Variants in SCFD2 observed in about 807,000 individuals in gnomAD.
The protein encoded by SCFD2 is sec1 family domain-containing protein 2.
SCFD2 carries 54 observed loss-of-function variants against 58.9 expected under a neutral mutation model. The observed-to-expected ratio is 0.92, with a 90% CI of 0.74 to 1.15. SCFD2 has a LOEUF of 1.15. Among genes scored for constraint, SCFD2 ranks in the 50% most tolerant of loss-of-function variants. SCFD2 has a pLI of 0.00. For missense variants in SCFD2, 805 were observed against 836.6 expected (o/e 0.96, Z 0.47); for synonymous variants, 321 against 335.9 (o/e 0.96, Z 0.49).
intron 5 of SCFD2, among the ~76,000 whole-genome samples, chr4:52,987,792 T>C (rs977609723): frequency 3.9e-5 from 6 of 152,228 alleles, no homozygotes; most frequent in Admixed American, 2.6e-4. Flanking sequence ...ACACAACTAT[T>C]CTGCTATCCA....
At chr4:52,961,008 C>A (rs1720841066) in intron 5 of SCFD2, among the ~76,000 whole-genome samples, 1 of 152,130 alleles carries the variant, frequency 6.6e-6, no homozygotes, top group Non-Finnish European at 1.5e-5. Flanking sequence ...TGAGCGGGAC[C>A]TTGCAGGAGA....
chr4:53,042,337 GTA>G (rs145304372), intron 5 of SCFD2, among the ~76,000 whole-genome samples: 3,841 of 148,394 alleles, frequency 0.026, 68 homozygotes, highest in African/African-American at 0.051. Flanking sequence ...GTGTGTGTGT[GTA>G]TATATATATA....
chr4:53,235,440 A>G (rs1228964735), intron 4 of SCFD2, among the ~76,000 whole-genome samples: 2 of 152,234 alleles, frequency 1.3e-5, no homozygotes, highest in Non-Finnish European at 2.9e-5. Context: ...GCTACTACAA[A>G]TGTGAAAATG....
At chr4:53,215,132 G>A (rs944464363) in intron 4 of SCFD2, among the ~76,000 whole-genome samples, 5 of 152,070 alleles carry the variant, frequency 3.3e-5, no homozygotes, top group African/African-American at 1.2e-4. Flanking sequence ...ACTTGGCAAT[G>A]CAGGCTCTTT....
At chr4:53,181,344 G>C (rs1484270026) in intron 4 of SCFD2, among the ~76,000 whole-genome samples, 1 of 152,156 alleles carries the variant, frequency 6.6e-6, no homozygotes, top group Non-Finnish European at 1.5e-5. Flanking sequence ...TGCAAGGCTG[G>C]TTCAACATAC....
intron 4 of SCFD2, among the ~76,000 whole-genome samples, chr4:53,205,512 C>A (rs1728377857): frequency 6.6e-6 from 1 of 151,976 alleles, no homozygotes; most frequent in African/African-American, 2.4e-5. Flanking sequence ...GTAAAAGCAA[C>A]AACAAACCAC....
intron 4 of SCFD2, among the ~76,000 whole-genome samples, chr4:53,216,255 G>A (rs891564561): frequency 9.9e-5 from 15 of 152,134 alleles, no homozygotes; most frequent in East Asian, 1.9e-4. Flanking sequence ...GGTAGAATTC[G>A]GCTGTGAATT....
intron 5 of SCFD2, among the ~76,000 whole-genome samples, chr4:53,133,327 C>CAAAAAAAAAAAAAAAAAAAAAA (rs34787254): frequency 1.2e-5 from 1 of 83,234 alleles, no homozygotes; most frequent in African/African-American, 4.4e-5. Context: ...GACTCCGTCT[C>CAAAAAAAAAAAAAAAAAAAAAA]AAAAAAAAAA....
intron 5 of SCFD2, among the ~76,000 whole-genome samples, chr4:52,997,455 G>A (rs1290593573): frequency 6.6e-6 from 1 of 152,204 alleles, no homozygotes; most frequent in East Asian, 1.9e-4. Flanking sequence ...CCAGGAGCAC[G>A]TGCAGAAAGA....
chr4:53,244,840 A>G (rs1052953735), intron 4 of SCFD2, among the ~76,000 whole-genome samples: 2 of 151,168 alleles, frequency 1.3e-5, no homozygotes, highest in Non-Finnish European at 3.0e-5. Flanking sequence ...AATAATAATA[A>G]TAATAAGATA....
chr4:53,147,997 G>C (rs1451837875), intron 4 of SCFD2, among the ~76,000 whole-genome samples: 2 of 152,074 alleles, frequency 1.3e-5, no homozygotes, highest in African/African-American at 4.8e-5. Context: ...TTAAAGAAAG[G>C]TCATGAAGGC....
intron 5 of SCFD2, among the ~76,000 whole-genome samples, chr4:53,125,593 C>T (rs1725603233): frequency 6.6e-6 from 1 of 152,356 alleles, no homozygotes; most frequent in Non-Finnish European, 1.5e-5. Context: ...GACACACGCT[C>T]ATGTTTCTGT....
At chr4:52,891,126 C>A (rs1341205027) in intron 7 of SCFD2, among the ~76,000 whole-genome samples, 2 of 152,142 alleles carry the variant, frequency 1.3e-5, no homozygotes, top group Admixed American at 6.5e-5. Flanking sequence ...GCTTTTCTCC[C>A]ACCAAGAATT....
chr4:52,965,246 C>CA (rs1479540678), intron 5 of SCFD2, among the ~76,000 whole-genome samples: 2 of 152,052 alleles, frequency 1.3e-5, no homozygotes, highest in Non-Finnish European at 2.9e-5. Flanking sequence ...AGCCCCCCCG[C>CA]AAAAAATGAT....
chr4:53,017,406 G>A (rs1722241096), intron 5 of SCFD2, among the ~76,000 whole-genome samples: 1 of 152,184 alleles, frequency 6.6e-6, no homozygotes, highest in Non-Finnish European at 1.5e-5. Flanking sequence ...CCAAAGTTCT[G>A]ATGCTGCTGC....
chr4:53,200,492 G>C (rs1728195651), intron 4 of SCFD2, among the ~76,000 whole-genome samples: 1 of 152,078 alleles, frequency 6.6e-6, no homozygotes, highest in Non-Finnish European at 1.5e-5. Flanking sequence ...AATCAGATTT[G>C]AAAGGAAAAT....
intron 6 of SCFD2, among the ~76,000 whole-genome samples, chr4:52,920,093 T>A (rs1719698951): frequency 6.6e-6 from 1 of 152,224 alleles, no homozygotes; most frequent in Non-Finnish European, 1.5e-5. Context: ...TCAGTGGCTC[T>A]AACCTTTCTT....
chr4:53,088,591 T>C (rs1486475679), intron 5 of SCFD2, among the ~76,000 whole-genome samples: 2 of 152,246 alleles, frequency 1.3e-5, no homozygotes, highest in African/African-American at 4.8e-5. Context: ...ATTCTATCCC[T>C]GTCCCACCAC....
At chr4:53,178,481 C>T (rs1727422494) in intron 4 of SCFD2, among the ~76,000 whole-genome samples, 1 of 152,116 alleles carries the variant, frequency 6.6e-6, no homozygotes, top group East Asian at 1.9e-4. Context: ...AGGACATCCA[C>T]ACCAAAAACC....
Sources: gnomAD v4.1 joint callset for allele counts (sites outside exome capture counted in the v4.1 genomes callset) on GRCh38, gnomAD v4.1.1 for gene constraint, MANE v1.5 for transcripts, NCBI Gene and HGNC (gene_info 2026-07-23, HGNC 2026-07-21) for gene names.